The following DROSHA variants were observed in gnomAD, a reference collection of about 807,000 sequenced individuals.
DROSHA encodes the protein ribonuclease 3.
Under a neutral mutation model 181.9 loss-of-function variants are expected in DROSHA, and 56 were observed. The observed-to-expected ratio is 0.31, with a 90% CI of 0.25 to 0.38. The LOEUF is 0.38. Ranked by LOEUF, DROSHA falls within the 10% of genes least tolerant of loss-of-function variation. The pLI is 1.00. For synonymous variants in DROSHA, 524 were observed against 591.2 expected (o/e 0.89, Z 1.65); for missense variants, 1,218 against 1,743.5 (o/e 0.70, Z 5.37).
intron 35 of DROSHA, among the ~76,000 whole-genome samples, chr5:31,404,679 A>G (rs1740435458): frequency 6.6e-6 from 1 of 152,224 alleles, no homozygotes; most frequent in South Asian, 2.1e-4. Flanking sequence ...AGTTTACAAA[A>G]GACTATGCAG....
chr5:31,499,527 A>G (rs146181540), intron 11 of DROSHA, among the ~76,000 whole-genome samples: 1,712 of 152,180 alleles, frequency 0.011, 15 homozygotes, highest in Middle Eastern at 0.027. Context: ...GAAGCTGTAC[A>G]CCGGAAGCAA....
chr5:31,450,010 T>C (rs1003027518), intron 21 of DROSHA, among the ~76,000 whole-genome samples: 2 of 151,834 alleles, frequency 1.3e-5, no homozygotes, highest in African/African-American at 4.8e-5. Flanking sequence ...GCAAATGACA[T>C]GAACAAACAT....
In DROSHA at chr5:31,515,209, T is replaced by C; in HGVS notation, c.1069A>G (p.Ser357Gly). 6.2e-7 allele frequency: 1 copy of C among 1,609,728 alleles called. No individual in the cohort carries two copies. The highest frequency in any genetic ancestry group is 1.1e-5 in the South Asian group (1 of 89,722). ...PLEIVNHRSP[S>G]REKKRARWEE... The stretch of plus-strand genomic sequence containing the variant: ...CAACGAGCTCTCTTCTTCTCCCTAC[T>C]TGGGGAGCGACTTCAAAAGAGGGCA... Residue 357 changes from serine (S) to glycine (G), a missense_variant, in exon 8 of 36, where the codon AGT (serine) becomes GGT (glycine). Transcript: ENST00000344624.
At chr5:31,519,134 G>A (rs1321280352) in intron 6 of DROSHA, among the ~76,000 whole-genome samples, 5 of 151,998 alleles carry the variant, frequency 3.3e-5, no homozygotes, top group South Asian at 2.1e-4. Context: ...TTTCTGCTGC[G>A]TTAGTCAGAA....
chr5:31,432,430 C>T (rs1744291902), intron 25 of DROSHA, among the ~76,000 whole-genome samples: 1 of 152,118 alleles, frequency 6.6e-6, no homozygotes, highest in African/African-American at 2.4e-5. Flanking sequence ...CCACGCCTGG[C>T]CCAAAATAGA....
At chr5:31,472,289 C>A in intron 16 of DROSHA, 57 bp from the exon 17 acceptor site, 4 of 1,501,904 alleles carry the variant, frequency 2.7e-6, no homozygotes, top group East Asian at 2.4e-5. Context: ...CAACTTACAG[C>A]AAATCAACAA....
chr5:31,421,393 T>C lies in DROSHA; in HGVS notation c.3420-16A>G. ...ATTGTGGCCTCTGGAAAAAGAAACA[T>C]CAAAGTAAAGAAATCAATAACCATT... is the stretch of plus-strand genomic sequence containing the variant. On this transcript the variant is annotated splice_polypyrimidine_tract_variant and intron_variant, in intron 29 of 35. Coordinates refer to ENST00000344624, the MANE Select transcript of DROSHA (RefSeq NM_001382508.1). 1.3e-6 allele frequency: 2 copies of C among 1,587,160 alleles called. 1 individual carries two copies. Among genetic ancestry groups the C allele is most frequent in the South Asian group, 2.2e-5 (2 of 89,884 alleles).
intron 16 of DROSHA, among the ~76,000 whole-genome samples, chr5:31,477,675 C>T (rs1313894855): frequency 6.6e-6 from 1 of 152,176 alleles, no homozygotes; most frequent in Non-Finnish European, 1.5e-5. Flanking sequence ...TTTACTAGGG[C>T]AGTAATATAA....
intron 6 of DROSHA, among the ~76,000 whole-genome samples, chr5:31,517,175 T>C (rs1256139958): frequency 6.6e-6 from 1 of 152,226 alleles, no homozygotes; most frequent in Non-Finnish European, 1.5e-5. Context: ...TCACAGGCTA[T>C]GCAAATTTTT....
At position 31,409,038 on chromosome 5, in the gene DROSHA, C is replaced by A. The variant is rs1396660870; in HGVS notation, c.3854+18G>T. The A allele has an allele frequency of 6.2e-7, 1 of 1,609,372 alleles. No homozygotes were observed. The highest frequency in any genetic ancestry group is 1.3e-5 in the African/African-American group (1 of 74,772). On this transcript the variant is annotated intron_variant, in intron 33 of 35. Coordinates refer to ENST00000344624, the MANE Select transcript of DROSHA (RefSeq NM_001382508.1). This position sits in a 1 kb window ranked among gnomAD's most constrained non-coding sequence, Gnocchi z 4.0. ...CATGCTGGATCCAACCAATGGCCTG[C>A]AGGCAACAAGTACTTACTTGTACAG...
chr5:31,497,551 G>GTTATGGAACCTCTGTTCCA (rs1753139312), intron 11 of DROSHA, among the ~76,000 whole-genome samples: 2 of 152,172 alleles, frequency 1.3e-5, no homozygotes, highest in African/African-American at 4.8e-5. Context: ...CATAACAGAG[G>GTTATGGAACCTCTGTTCCA]TACAAAGTGC....
intron 25 of DROSHA, among the ~76,000 whole-genome samples, chr5:31,434,221 C>T (rs1744530722): frequency 1.3e-5 from 2 of 152,180 alleles, no homozygotes; most frequent in Admixed American, 1.3e-4. Context: ...ACGGCAATTC[C>T]CCACACTTTG....
intron 20 of DROSHA, among the ~76,000 whole-genome samples, chr5:31,461,052 C>T (rs929824417): frequency 1.1e-4 from 16 of 152,192 alleles, no homozygotes; most frequent in Middle Eastern, 3.4e-3. Context: ...CTAGACAAAC[C>T]TGCACTGGAC....
At position 31,480,933 on chromosome 5, in the gene DROSHA, T is replaced by A. The variant is rs551454667; in HGVS notation, c.2071+2621A>T. Among the ~76,000 whole-genome samples, 24 of 152,328 alleles carry A rather than the reference T, an allele frequency of 1.6e-4. 1 individual carries two copies. The highest frequency in any genetic ancestry group is 5.3e-4 in the African/African-American group (22 of 41,586). On this transcript the variant is annotated intron_variant, in intron 16 of 35. Coordinates refer to ENST00000344624, the MANE Select transcript of DROSHA (RefSeq NM_001382508.1). ...CATTTTTCATGGCAGCACAAACTGA[T>A]GTTATTCTTTTGACAAGAAATTTGG...
At chr5:31,488,030 TA>T (rs1292016448) in intron 13 of DROSHA, among the ~76,000 whole-genome samples, 1 of 152,180 alleles carries the variant, frequency 6.6e-6, no homozygotes, top group African/African-American at 2.4e-5. Context: ...CAATGCAATG[TA>T]ACTTCTAAGT....
At chr5:31,491,244 T>A (rs1752367902) in intron 13 of DROSHA, among the ~76,000 whole-genome samples, 1 of 151,898 alleles carries the variant, frequency 6.6e-6, no homozygotes, top group Non-Finnish European at 1.5e-5. Flanking sequence ...CTGAAATCCT[T>A]TCCAAAGAGA....
At chr5:31,415,462 CA>C (rs1375893017) in intron 30 of DROSHA, among the ~76,000 whole-genome samples, 1 of 152,172 alleles carries the variant, frequency 6.6e-6, no homozygotes, top group East Asian at 1.9e-4. Flanking sequence ...AATCCTCATA[CA>C]GGAGGCTGTG....
chr5:31,504,692 C>T (rs910577562), intron 10 of DROSHA, 57 bp from the exon 11 acceptor site: 25 of 1,577,460 alleles, frequency 1.6e-5, no homozygotes, highest in Non-Finnish European at 2.1e-5. Context: ...ACACCATGCA[C>T]GGTGATGCCT....
In DROSHA at chr5:31,490,122, C is replaced by T. The variant is rs537453763; in HGVS notation, c.1842+3085G>A. ...AACTCCTGACCTCAGGTGATCTGCC[C>T]GCCTCAGCCTCCCAAAGTGCTGGGA... is the stretch of plus-strand genomic sequence containing the variant. On this transcript the variant is annotated intron_variant, in intron 13 of 35. Coordinates refer to ENST00000344624, the MANE Select transcript of DROSHA (RefSeq NM_001382508.1). 3.3e-5 allele frequency among the ~76,000 whole-genome samples: 5 copies of T among 151,306 alleles called. No individual in the cohort carries two copies. In the East Asian group the frequency reaches 5.8e-4, roughly 18 times the overall value.
Sources: gnomAD v4.1 joint callset for allele counts (sites outside exome capture counted in the v4.1 genomes callset) on GRCh38, gnomAD v4.1.1 for gene constraint, Gnocchi (gnomAD v3.1) non-coding constraint, MANE v1.5 for transcripts, NCBI Gene and HGNC (gene_info 2026-07-23, HGNC 2026-07-21) for gene names.